Variants in ATXN1 observed in about 807,000 individuals in gnomAD.
ATXN1 encodes the protein ataxin-1.
Under a neutral mutation model 56.4 loss-of-function variants are expected in ATXN1, and 8 were observed. The ratio of observed to expected loss-of-function variants is 0.14; its 90% CI spans 0.08 to 0.26. The LOEUF is 0.26. Ranked by LOEUF, ATXN1 falls within the 10% of genes least tolerant of loss-of-function variation. The probability of loss-of-function intolerance (pLI) is 1.00; values close to 1 mark genes in which losing one functional copy is unlikely to be tolerated. For missense variants in ATXN1, 987 were observed against 1,106.5 expected, an observed-to-expected ratio of 0.89 and a Z score of 1.53; for synonymous variants, 514 against 494.6, an observed-to-expected ratio of 1.04 and a Z score of -0.52.
At chr6:16,316,679 G>A (rs868319967) in intron 7 of ATXN1, among the ~76,000 whole-genome samples, 5 of 151,896 alleles carry the variant, frequency 3.3e-5, no homozygotes, top group Admixed American at 6.6e-5. Flanking sequence ...CCTGGGAGGC[G>A]GAGGTTGCAG....
At chr6:16,735,807 TG>T (rs1255330933) in intron 2 of ATXN1, among the ~76,000 whole-genome samples, 4 of 152,034 alleles carry the variant, frequency 2.6e-5, no homozygotes, top group Non-Finnish European at 4.4e-5. Context: ...CAGGCAACAG[TG>T]CGAGACTCCA....
intron 3 of ATXN1, among the ~76,000 whole-genome samples, chr6:16,642,255 C>T (rs1186599879): frequency 1.3e-5 from 2 of 152,118 alleles, no homozygotes; most frequent in Non-Finnish European, 2.9e-5. Context: ...ATTAGCCCAG[C>T]GTGGTGGTGC....
intron 2 of ATXN1, among the ~76,000 whole-genome samples, chr6:16,690,671 T>C (rs1299807181): frequency 4.6e-5 from 7 of 152,140 alleles, no homozygotes; most frequent in East Asian, 1.9e-4. Context: ...GAATTGTAGA[T>C]TGGCAGAGGC....
chr6:16,334,215 C>A (rs772253788), intron 6 of ATXN1, among the ~76,000 whole-genome samples: 1 of 151,980 alleles, frequency 6.6e-6, no homozygotes, highest in Non-Finnish European at 1.5e-5. Context: ...CTTAAGAAGC[C>A]GGAAGTGATG....
At chr6:16,552,439 CACA>C (rs1761938170) in intron 4 of ATXN1, among the ~76,000 whole-genome samples, 1 of 152,180 alleles carries the variant, frequency 6.6e-6, no homozygotes, top group Non-Finnish European at 1.5e-5. Flanking sequence ...AAATATTGTG[CACA>C]ACGTTACGTT....
intron 4 of ATXN1, among the ~76,000 whole-genome samples, chr6:16,579,235 T>G (rs1043834447): frequency 1.3e-5 from 2 of 152,104 alleles, no homozygotes; most frequent in African/African-American, 4.8e-5. Flanking sequence ...GGTCATTAGC[T>G]CCACCTGAGC....
chr6:16,373,768 G>C (rs1762092846), intron 6 of ATXN1, among the ~76,000 whole-genome samples: 2 of 152,154 alleles, frequency 1.3e-5, no homozygotes, highest in Non-Finnish European at 2.9e-5. Flanking sequence ...TGATTGTGAA[G>C]CCTCCCCAGC....
chr6:16,757,196 A>G (rs560679732), intron 1 of ATXN1, among the ~76,000 whole-genome samples: 35 of 152,332 alleles, frequency 2.3e-4, no homozygotes, highest in Non-Finnish European at 3.8e-4. Flanking sequence ...GAAGTCCTGA[A>G]GTCTAGTCGT....
At chr6:16,548,252 C>G (rs1046855905) in intron 4 of ATXN1, among the ~76,000 whole-genome samples, 1 of 152,142 alleles carries the variant, frequency 6.6e-6, no homozygotes, top group African/African-American at 2.4e-5. Context: ...ATATGGTACA[C>G]CTGTATAGGG....
intron 4 of ATXN1, among the ~76,000 whole-genome samples, chr6:16,569,872 C>T (rs557097739): frequency 1.7e-4 from 26 of 152,280 alleles, no homozygotes; most frequent in African/African-American, 6.3e-4. Context: ...CACTCTCTCG[C>T]TTCCCCACTT....
chr6:16,486,638 T>C (rs1760551240), intron 5 of ATXN1, among the ~76,000 whole-genome samples: 1 of 152,046 alleles, frequency 6.6e-6, no homozygotes, highest in African/African-American at 2.4e-5. Context: ...CATCCAAACG[T>C]CTGCATGCCC....
At chr6:16,376,393 C>T (rs2237217) in intron 6 of ATXN1, among the ~76,000 whole-genome samples, 48,303 of 152,058 alleles carry the variant, frequency 0.32, 9,221 homozygotes, top group African/African-American at 0.53. Context: ...TTTTGACTAG[C>T]CTGTCTACCC....
At chr6:16,640,874 T>C (rs1046144011) in intron 3 of ATXN1, among the ~76,000 whole-genome samples, 1 of 152,170 alleles carries the variant, frequency 6.6e-6, no homozygotes, top group Admixed American at 6.5e-5. Context: ...TTCTTGTGAC[T>C]GAAGGGTTAG....
At chr6:16,749,232 T>C (rs1028769557) in intron 2 of ATXN1, among the ~76,000 whole-genome samples, 2 of 152,186 alleles carry the variant, frequency 1.3e-5, no homozygotes, top group African/African-American at 2.4e-5. Context: ...AAATGAACAA[T>C]TGCTACAGAG....
At chr6:16,557,684 G>A (rs1762039709) in intron 4 of ATXN1, among the ~76,000 whole-genome samples, 1 of 152,202 alleles carries the variant, frequency 6.6e-6, no homozygotes, top group African/African-American at 2.4e-5. Context: ...CAGAAAAGAG[G>A]TCGATCCAAA....
intron 5 of ATXN1, among the ~76,000 whole-genome samples, chr6:16,486,707 GA>G (rs1760553436): frequency 6.6e-6 from 1 of 152,116 alleles, no homozygotes; most frequent in African/African-American, 2.4e-5. Flanking sequence ...GAATCTCCGG[GA>G]AAAAGAAAGT....
chr6:16,524,531 G>A (rs1005586194), intron 4 of ATXN1, among the ~76,000 whole-genome samples: 3 of 152,202 alleles, frequency 2.0e-5, no homozygotes, highest in African/African-American at 7.2e-5. Context: ...GAGTCACAGA[G>A]GAGCTGTGTG....
At chr6:16,654,660 T>C (rs541791267) in intron 3 of ATXN1, among the ~76,000 whole-genome samples, 5 of 151,568 alleles carry the variant, frequency 3.3e-5, no homozygotes, top group South Asian at 4.2e-4. Context: ...AGAACTTTGA[T>C]AGAGATAGTC....
intron 6 of ATXN1, among the ~76,000 whole-genome samples, chr6:16,381,155 C>T (rs751236724): frequency 1.3e-5 from 2 of 152,118 alleles, no homozygotes; most frequent in African/African-American, 2.4e-5. Flanking sequence ...GGCGTGGTGG[C>T]GGGCGCCTAT....
Sources: gnomAD v4.1 joint callset for allele counts (sites outside exome capture counted in the v4.1 genomes callset) on GRCh38, gnomAD v4.1.1 for gene constraint, MANE v1.5 for transcripts, NCBI Gene and HGNC (gene_info 2026-07-23, HGNC 2026-07-21) for gene names.